IRAG2: variants seen among roughly 807,000 people sequenced by gnomAD.
IRAG2 encodes lymphoid restricted membrane protein.
In IRAG2, 45 loss-of-function variants were observed where a neutral mutation model predicts 69.9. The ratio of observed to expected loss-of-function variants is 0.64; its 90% CI spans 0.51 to 0.83. IRAG2 has a LOEUF of 0.83. Ranked by LOEUF, IRAG2 falls within the 40% of genes least tolerant of loss-of-function variation. IRAG2 has a pLI of 0.00. For missense variants in IRAG2, 520 were observed against 587.0 expected, an observed-to-expected ratio of 0.89 and a Z score of 1.18; for synonymous variants, 193 against 202.4, an observed-to-expected ratio of 0.95 and a Z score of 0.40.
intron 5 of IRAG2, among the ~76,000 whole-genome samples, chr12:25,069,124 A>G (rs903006678): frequency 6.6e-5 from 10 of 152,312 alleles, no homozygotes; most frequent in Middle Eastern, 6.8e-3. Context: ...TTTGAATTGC[A>G]AATGCTTCAT....
At chr12:25,088,994 T>C (rs975316322) in intron 11 of IRAG2, among the ~76,000 whole-genome samples, 8 of 152,196 alleles carry the variant, frequency 5.3e-5, no homozygotes, top group Non-Finnish European at 1.2e-4. Flanking sequence ...TGTGACTTGT[T>C]CAAGCTCACA....
chr12:25,001,825 A>T (rs1283875310), upstream of IRAG2, among the ~76,000 whole-genome samples: 9 of 149,414 alleles, frequency 6.0e-5, no homozygotes, highest in African/African-American at 2.2e-4. Flanking sequence ...GCTGGAGTAC[A>T]GTGGCACGAT....
chr12:25,004,905 G>A, exon 1 of IRAG2: 1 of 1,230,364 alleles, frequency 8.1e-7, no homozygotes, highest in Non-Finnish European at 1.0e-6. Context: ...AATTATCTCT[G>A]AATGAAGATG....
chr12:25,043,303 G>A (rs1372099724), intron 16 of IRAG2, among the ~76,000 whole-genome samples: 12 of 152,294 alleles, frequency 7.9e-5, no homozygotes, highest in Admixed American at 7.8e-4. Flanking sequence ...GGGTGGGGAG[G>A]AGAATCAAAC....
chr12:25,077,827 G>C (rs1438059646), intron 6 of IRAG2, among the ~76,000 whole-genome samples: 1 of 152,134 alleles, frequency 6.6e-6, no homozygotes, highest in East Asian at 1.9e-4. Flanking sequence ...AAGTAAAAAA[G>C]AGAAAAAGTT....
intron 3 of IRAG2, among the ~76,000 whole-genome samples, chr12:25,012,144 CT>C (rs1044436895): frequency 2.0e-4 from 6 of 30,368 alleles, no homozygotes; most frequent in African/African-American, 4.5e-4. Context: ...AGCGAATTCC[CT>C]TTTTTTTTTT....
intron 7 of IRAG2, among the ~76,000 whole-genome samples, chr12:25,022,988 T>G (rs1944593826): frequency 6.6e-6 from 1 of 152,002 alleles, no homozygotes; most frequent in African/African-American, 2.4e-5. Flanking sequence ...TAGCCAGGTG[T>G]GGTGGCAAGT....
intron 14 of IRAG2, among the ~76,000 whole-genome samples, chr12:25,094,089 TGTA>T (rs150459311): frequency 0.34 from 51,439 of 151,640 alleles, 9,350 homozygotes; most frequent in African/African-American, 0.46. Flanking sequence ...TTAAGTCTGA[TGTA>T]GTTCCATTTG....
At chr12:25,035,745 C>T (rs968066014) in exon 14 of IRAG2, 8 of 398,820 alleles carry the variant, frequency 2.0e-5, no homozygotes, top group South Asian at 1.3e-4. Context: ...TAAGAGAGCC[C>T]GCACAGAAGG....
chr12:25,055,491 G>GTACA (rs1374828729), intron 1 of IRAG2, among the ~76,000 whole-genome samples: 2 of 152,068 alleles, frequency 1.3e-5, no homozygotes, highest in African/African-American at 4.8e-5. Flanking sequence ...ATGTTCTAGG[G>GTACA]TACATGTGTA....
At chr12:25,082,671 GA>G (rs1210179816) in intron 9 of IRAG2, among the ~76,000 whole-genome samples, 1 of 151,714 alleles carries the variant, frequency 6.6e-6, no homozygotes, top group Non-Finnish European at 1.5e-5. Flanking sequence ...TTTTCATAAG[GA>G]AAAAATTGTA....
At position 25,108,034 on chromosome 12, in the gene IRAG2, C is replaced by T. The variant is rs146082101; in HGVS notation, c.1474C>T (p.Arg492Ter). Residue 492 changes from arginine to a stop codon, truncating the protein, a stop_gained, in exon 22 of 22, where the codon CGA becomes TGA. Coordinates refer to ENST00000556887, the MANE Select transcript of IRAG2 (RefSeq NM_001366544.2). LOFTEE classifies it high-confidence loss of function. ...TATCTTGTGGCCATTTACCAGACTC[C>T]GACACAATGGGCCACCACCAGTGTG... ...EHILWPFTRL[R>*]HNGPPPV 119 of 1,613,900 alleles carry T rather than the reference C, an allele frequency of 7.4e-5. No individual in the cohort carries two copies. Among genetic ancestry groups the T allele is most frequent in the African/African-American group, 6.3e-4 (47 of 75,028 alleles).
At chr12:25,017,276 C>T (rs1002836654) in exon 6 of IRAG2, 4 of 1,232,024 alleles carry the variant, frequency 3.2e-6, no homozygotes, top group East Asian at 3.2e-5. Context: ...TACCGAATTG[C>T]GCCTTCAGGT....
At chr12:25,086,280 G>A (rs970612048) in intron 10 of IRAG2, among the ~76,000 whole-genome samples, 4 of 152,000 alleles carry the variant, frequency 2.6e-5, no homozygotes, top group African/African-American at 4.8e-5. Context: ...GACATGTCAC[G>A]GGTATGGGAA....
upstream of IRAG2, among the ~76,000 whole-genome samples, chr12:25,002,105 C>T (rs1389608416): frequency 6.6e-6 from 1 of 152,104 alleles, no homozygotes; most frequent in Non-Finnish European, 1.5e-5. Flanking sequence ...ATAGGGAAGT[C>T]AGATGTGTTC....
chr12:25,018,392 G>A (rs1354975106), intron 6 of IRAG2, among the ~76,000 whole-genome samples: 2 of 151,764 alleles, frequency 1.3e-5, no homozygotes, highest in Non-Finnish European at 2.9e-5. Flanking sequence ...TTTTTGTAGA[G>A]ACAAGGTCTT....
At chr12:25,011,890 G>A (rs1351886334) in intron 3 of IRAG2, among the ~76,000 whole-genome samples, 3 of 152,134 alleles carry the variant, frequency 2.0e-5, no homozygotes, top group African/African-American at 7.2e-5. Context: ...GCTGACATAC[G>A]AGTCAGGTGA....
intron 7 of IRAG2, among the ~76,000 whole-genome samples, chr12:25,021,250 A>G (rs1413516324): frequency 6.6e-6 from 1 of 151,940 alleles, no homozygotes; most frequent in South Asian, 2.1e-4. Flanking sequence ...GATTATAGGC[A>G]TGAGCCACTG....
chr12:25,013,490 A>G (rs1426020242), intron 3 of IRAG2, among the ~76,000 whole-genome samples: 1 of 152,208 alleles, frequency 6.6e-6, no homozygotes, highest in African/African-American at 2.4e-5. Flanking sequence ...AAACAAAAAC[A>G]AAAGACAAAA....
Sources: allele counts gnomAD v4.1 joint callset (sites outside exome capture counted in the v4.1 genomes callset), GRCh38; gene constraint gnomAD v4.1.1; transcripts MANE v1.5; gene names NCBI Gene and HGNC (gene_info 2026-07-23, HGNC 2026-07-21).